The following ANKRD13C variants were observed in gnomAD, a reference collection of about 807,000 sequenced individuals.
The protein encoded by ANKRD13C is ankyrin repeat domain 13C, also known as ankyrin repeat domain-containing protein 13C.
A neutral mutation model predicts 65.5 loss-of-function variants in ANKRD13C; 16 were observed. The ratio of observed to expected loss-of-function variants is 0.24; its 90% confidence interval spans 0.17 to 0.37. The LOEUF is 0.37. Ranked by LOEUF, ANKRD13C falls within the 10% of genes least tolerant of loss-of-function variation. The pLI, the probability that ANKRD13C is intolerant of heterozygous loss-of-function variation, is 1.00. For synonymous variants in ANKRD13C, 235 were observed against 238.7 expected (o/e 0.98, Z 0.14); for missense variants, 503 against 655.9 (o/e 0.77, Z 2.55).
intron 1 of ANKRD13C, 46 bp from the exon 2 acceptor site, chr1:70,336,145 A>T: frequency 1.9e-6 from 1 of 534,834 alleles, no homozygotes. Context: ...GTGTAAAAAC[A>T]TAAGAACATT....
chr1:70,333,289 T>C lies in ANKRD13C; in HGVS notation c.472+2769A>G, dbSNP rs1023881551. Among the ~76,000 whole-genome samples the C allele has an allele frequency of 7.9e-5, 12 of 152,226 alleles. No homozygotes were observed. The South Asian group carries it at 2.5e-3, about 32-fold the overall frequency. ...CTGGTATATTGTAAATAATAAATTC[T>C]AGTTATTTTCTAAAGTTCCAATCCA... On this transcript the variant is annotated intron_variant, in intron 2 of 12. Coordinates refer to ENST00000370944, the MANE Select transcript of ANKRD13C (RefSeq NM_030816.5).
chr1:70,354,314 G>A lies in ANKRD13C; in HGVS notation c.95C>T (p.Ala32Val), dbSNP rs1253088873. 6 of 1,613,610 alleles carry A rather than the reference G, an allele frequency of 3.7e-6. No homozygotes were observed. In the Admixed American group the frequency reaches 5.0e-5, roughly 13 times the overall value. The change falls in exon 1 of 13, where the codon GCT (alanine) becomes GTT (valine). Residue 32 changes from alanine to valine, a missense_variant. Physicochemically the swap from Ala to Val is moderately conservative, Grantham distance 64. Coordinates refer to ENST00000370944, the MANE Select transcript of ANKRD13C (RefSeq NM_030816.5). ...LLEPGDEEAA[A>V]ALGGTFTRSR... ...TCTGGTAAAGGTACCGCCGAGGGCA[G>A]CCGCCGCTTCCTCATCCCCGGGCTC... is the stretch of plus-strand genomic sequence containing the variant.
intron 5 of ANKRD13C, among the ~76,000 whole-genome samples, chr1:70,308,995 T>C (rs1680717231): frequency 6.6e-6 from 1 of 151,884 alleles, no homozygotes; most frequent in African/African-American, 2.4e-5. Context: ...AGAGAGTTTT[T>C]AAATTTAAAT....
chr1:70,286,074 C>G (rs1292734344), intron 9 of ANKRD13C, among the ~76,000 whole-genome samples: 2 of 151,824 alleles, frequency 1.3e-5, no homozygotes, highest in Non-Finnish European at 2.9e-5. Context: ...GTGTCTGTGT[C>G]TAAGAGAAAA....
rs1468024758 is a variant in ANKRD13C at position 70,261,005 on chromosome 1, C to T, written c.*1712G>A. Reference sequence around the variant, plus strand: ...CAGTGTCTCCAACCCCATGTAACCACTGATAGGATAATTCAGTCTCTAAGT... The same window carrying T: ...CAGTGTCTCCAACCCCATGTAACCATTGATAGGATAATTCAGTCTCTAAGT... On this transcript the variant is annotated 3_prime_UTR_variant, in exon 13 of 13. Transcript: ENST00000370944. 1.3e-5 allele frequency: 2 copies of T among 152,094 alleles called. No homozygotes were observed. The highest frequency in any genetic ancestry group is 4.8e-5 in the African/African-American group (2 of 41,414). The allele number at this position is 152,094 out of a possible 1,614,324, so 9.4% of individuals were successfully genotyped here.
intron 8 of ANKRD13C, among the ~76,000 whole-genome samples, chr1:70,294,885 T>C (rs1680014085): frequency 6.6e-6 from 1 of 152,140 alleles, no homozygotes; most frequent in Non-Finnish European, 1.5e-5. Flanking sequence ...ATCCACTCTT[T>C]ACTAAATTTC....
chr1:70,310,821 A>G (rs563398490), intron 5 of ANKRD13C, among the ~76,000 whole-genome samples: 2 of 152,334 alleles, frequency 1.3e-5, no homozygotes, highest in African/African-American at 4.8e-5. Flanking sequence ...ATGGGAAAAA[A>G]ATGGGGTAAA....
intron 12 of ANKRD13C, 105 bp downstream of exon 12, chr1:70,270,751 G>C (rs1408625837): frequency 1.4e-6 from 1 of 700,162 alleles, no homozygotes; most frequent in Middle Eastern, 4.2e-4. Context: ...CGAACCAACA[G>C]AGGTGTTGGG....
intron 9 of ANKRD13C, among the ~76,000 whole-genome samples, chr1:70,280,619 G>A (rs1191795064): frequency 3.9e-5 from 6 of 152,108 alleles, no homozygotes; most frequent in East Asian, 3.8e-4. Flanking sequence ...TTCTGGCTTC[G>A]ACAATGACTA....
chr1:70,299,908 GT>G (rs1680271762), intron 7 of ANKRD13C, among the ~76,000 whole-genome samples: 1 of 152,120 alleles, frequency 6.6e-6, no homozygotes, highest in Non-Finnish European at 1.5e-5. Flanking sequence ...TATTCTGGCA[GT>G]TTGTAAAAAT....
At chr1:70,316,904 A>C (rs1404281464) in intron 3 of ANKRD13C, among the ~76,000 whole-genome samples, 1 of 152,218 alleles carries the variant, frequency 6.6e-6, no homozygotes, top group African/African-American at 2.4e-5. Context: ...TTTTTCATAT[A>C]CATACATATA....
intron 7 of ANKRD13C, among the ~76,000 whole-genome samples, chr1:70,297,925 A>C (rs1680165726): frequency 6.6e-6 from 1 of 151,792 alleles, no homozygotes; most frequent in Admixed American, 6.6e-5. Flanking sequence ...CAAAAAAAAA[A>C]AAAAACAAAG....
In ANKRD13C at chr1:70,345,516, C is replaced by T. The variant is rs187036133; in HGVS notation, c.430+8463G>A. 4.6e-5 allele frequency among the ~76,000 whole-genome samples: 7 copies of T among 151,972 alleles called. No individual in the cohort carries two copies. In the East Asian group the frequency reaches 1.4e-3, roughly 29 times the overall value. On this transcript the variant is annotated intron_variant, in intron 1 of 12. Transcript: ENST00000370944. ...ATTACACTGAAATATATTGGTCTGT[C>T]TTGTGCTTTGAATGGATCTTGTACT...
chr1:70,353,672 G>T lies in ANKRD13C; in HGVS notation c.430+307C>A, dbSNP rs139441664. The stretch of plus-strand genomic sequence containing the variant: ...TCCATAAACAAAGGGAGAAAACCAT[G>T]TTGGGTGGGAGGCAACCTAAAATTT... On this transcript the variant is annotated intron_variant, in intron 1 of 12. Coordinates refer to ENST00000370944, the MANE Select transcript of ANKRD13C (RefSeq NM_030816.5). 6.2e-3 allele frequency among the ~76,000 whole-genome samples: 947 copies of T among 152,294 alleles called. 6 individuals carry two copies. Among genetic ancestry groups the T allele is most frequent in the Non-Finnish European group, 1.0e-2 (680 of 68,024 alleles).
intron 10 of ANKRD13C, among the ~76,000 whole-genome samples, chr1:70,276,314 T>A (rs1266228375): frequency 2.0e-5 from 3 of 152,064 alleles, no homozygotes; most frequent in African/African-American, 7.2e-5. Context: ...CTAGCATAGG[T>A]TGAAACTAAA....
At chr1:70,349,622 A>G (rs912526458) in intron 1 of ANKRD13C, among the ~76,000 whole-genome samples, 1 of 152,206 alleles carries the variant, frequency 6.6e-6, no homozygotes, top group Non-Finnish European at 1.5e-5. Context: ...AATTTTACCA[A>G]ATCAGTGATA....
intron 6 of ANKRD13C, among the ~76,000 whole-genome samples, chr1:70,304,167 G>C (rs1276918387): frequency 6.6e-6 from 1 of 150,558 alleles, no homozygotes; most frequent in Admixed American, 6.6e-5. Flanking sequence ...TCAGCCTCCT[G>C]AGTAGCAGGG....
intron 8 of ANKRD13C, among the ~76,000 whole-genome samples, chr1:70,293,346 T>C (rs1202740094): frequency 6.6e-6 from 1 of 152,210 alleles, no homozygotes; most frequent in South Asian, 2.1e-4. Flanking sequence ...TCTATCTGCA[T>C]GCAAATCACA....
In ANKRD13C at chr1:70,276,771, T is replaced by C; in HGVS notation, c.1289A>G (p.Asn430Ser). The stretch of plus-strand genomic sequence containing the variant: ...AAACAAGAAAAAAACTTACTTTCCA[T>C]TTTCAGCAGATATATATTCTTCCCA... ...ITWEEYISAENGKAPHLGREL... is the reference protein window; with the variant it reads ...ITWEEYISAESGKAPHLGREL... The change falls in exon 10 of 13, where the codon AAT becomes AGT. Residue 430 changes from asparagine (N) to serine (S), a missense_variant. Asn to Ser is a conservative substitution (Grantham distance 46, BLOSUM62 1). Transcript: ENST00000370944. The C allele has an allele frequency of 1.9e-6, 3 of 1,594,954 alleles. No homozygotes were observed. The highest frequency in any genetic ancestry group is 2.6e-6 in the Non-Finnish European group (3 of 1,174,260).
Sources: gnomAD v4.1 joint callset for allele counts (sites outside exome capture counted in the v4.1 genomes callset) on GRCh38, gnomAD v4.1.1 for gene constraint, MANE v1.5 for transcripts, NCBI Gene and HGNC (gene_info 2026-07-23, HGNC 2026-07-21) for gene names.